Variants in USH2A observed in about 807,000 individuals in gnomAD.
The protein encoded by USH2A is usherin, also known as Usher syndrome 2A (autosomal recessive, mild).
A neutral mutation model predicts 538.9 loss-of-function variants in USH2A; 443 were observed. The observed-to-expected ratio is 0.82, with a 90% CI of 0.76 to 0.89. The LOEUF is 0.89. USH2A is among the 40% of genes least tolerant of loss of function. USH2A has a pLI of 0.00. For synonymous variants in USH2A, 2,413 were observed against 2,273.5 expected, an observed-to-expected ratio of 1.06 and a Z score of -1.75; for missense variants, 6,633 against 6,324.8, an observed-to-expected ratio of 1.05 and a Z score of -1.65.
chr1:215,934,231 C>A (rs1666434999), intron 38 of USH2A, among the ~76,000 whole-genome samples: 1 of 151,868 alleles, frequency 6.6e-6, no homozygotes, highest in Admixed American at 6.6e-5. Flanking sequence ...GGAATGAGAA[C>A]CATTTGCAGT....
chr1:215,784,833 G>A (rs1035979661), intron 52 of USH2A, among the ~76,000 whole-genome samples: 2 of 152,134 alleles, frequency 1.3e-5, no homozygotes. Context: ...CATTATATCA[G>A]TAGGTGGAAA....
At chr1:216,413,459 G>T (rs191691691) in intron 3 of USH2A, among the ~76,000 whole-genome samples, 2 of 151,962 alleles carry the variant, frequency 1.3e-5, no homozygotes, top group Non-Finnish European at 2.9e-5. Flanking sequence ...GAGAGACTTG[G>T]TTTATCTATT....
chr1:215,733,635 G>A (rs371036081), intron 60 of USH2A, among the ~76,000 whole-genome samples: 1 of 152,182 alleles, frequency 6.6e-6, no homozygotes, highest in Non-Finnish European at 1.5e-5. Context: ...GATACAATGT[G>A]GATATAGGTA....
chr1:216,182,371 T>G (rs551043282), intron 20 of USH2A, among the ~76,000 whole-genome samples: 1 of 152,050 alleles, frequency 6.6e-6, no homozygotes. Context: ...AAGCTATAAT[T>G]GTGTATTGAA....
chr1:215,710,162 G>C (rs1413677634), intron 61 of USH2A, among the ~76,000 whole-genome samples: 1 of 152,204 alleles, frequency 6.6e-6, no homozygotes, highest in Non-Finnish European at 1.5e-5. Flanking sequence ...AATTGTGCAA[G>C]TGCATCATTC....
rs530772200 is a variant in USH2A, at chr1:215,649,849, A to G, written c.14343+743T>C. On this transcript the variant is annotated intron_variant, in intron 65 of 71. Transcript: ENST00000307340. ...TCATGAGAAACTTGAGAGTGACACA[A>G]GCTATACCACAGAGACAAGAGTCTT... is the stretch of plus-strand genomic sequence containing the variant. Among the ~76,000 whole-genome samples the G allele has an allele frequency of 3.3e-5, 5 of 152,338 alleles. No individual in the cohort carries two copies. The South Asian group carries it at 1.0e-3, about 32-fold the overall frequency.
chr1:215,902,403 G>A (rs901785969), intron 38 of USH2A, among the ~76,000 whole-genome samples: 1 of 152,040 alleles, frequency 6.6e-6, no homozygotes, highest in Non-Finnish European at 1.5e-5. Flanking sequence ...TCATTCATTT[G>A]TTCAATAAAC....
intron 38 of USH2A, among the ~76,000 whole-genome samples, chr1:215,920,592 T>C (rs1464017825): frequency 1.3e-5 from 2 of 152,024 alleles, no homozygotes; most frequent in African/African-American, 2.4e-5. Flanking sequence ...TCTGTAATTA[T>C]GAAACCCCTT....
chr1:216,324,384 A>C, intron 6 of USH2A, 32 bp from the exon 7 acceptor site: 2 of 1,554,010 alleles, frequency 1.3e-6, no homozygotes, highest in Non-Finnish European at 1.8e-6. Context: ...ATGTAATTAA[A>C]GTTTTAAGTT....
chr1:216,345,598 T>A lies in USH2A; in HGVS notation c.785-17944A>T, dbSNP rs145789230. On this transcript the variant is annotated intron_variant, in intron 4 of 71. Transcript: ENST00000307340. Reference sequence around the variant, plus strand: ...GTTTATCTCCTCTGTAAAGTTCTGATTAATGTGAAAAAGGATTTGTGAGGC... The same window carrying A: ...GTTTATCTCCTCTGTAAAGTTCTGAATAATGTGAAAAAGGATTTGTGAGGC... Among the ~76,000 whole-genome samples the A allele has an allele frequency of 2.5e-3, 381 of 152,238 alleles. 3 individuals carry two copies. The highest frequency in any genetic ancestry group is 8.5e-3 in the African/African-American group (355 of 41,560).
In USH2A at chr1:215,867,085, C is replaced by A. The variant is rs1054471594; in HGVS notation, c.8767G>T (p.Gly2923Cys). 22 of 1,614,028 alleles carry A rather than the reference C, an allele frequency of 1.4e-5. No individual in the cohort carries two copies. Among genetic ancestry groups the A allele is most frequent in the Non-Finnish European group, 1.6e-5 (19 of 1,180,018 alleles). The change falls in exon 44 of 72, where the codon GGT becomes TGT. Residue 2923 changes from glycine to cysteine, a missense_variant. Coordinates refer to ENST00000307340, the MANE Select transcript of USH2A (RefSeq NM_206933.4). The part of the protein sequence containing the change: ...SREVTVTTLA[G>C]LPERGANLTA... The stretch of plus-strand genomic sequence containing the variant: ...AGATTGGCTCCTCTCTCTGGAAGAC[C>A]AGCTAACGTTGTCACAGTCACTTCT...
At chr1:215,683,984 T>C (rs1571956052) in intron 61 of USH2A, among the ~76,000 whole-genome samples, 1 of 152,128 alleles carries the variant, frequency 6.6e-6, no homozygotes, top group Admixed American at 6.5e-5. Context: ...GCTACTTTTG[T>C]TAGGCAGCAG....
intron 28 of USH2A, 42 bp downstream of exon 28, chr1:216,073,055 T>C (rs755828291): frequency 1.2e-6 from 2 of 1,613,286 alleles, no homozygotes; most frequent in Non-Finnish European, 1.7e-6. Context: ...GGGGGATGAA[T>C]AAGAGACATG....
At chr1:215,819,158 C>T (rs1034138985) in intron 47 of USH2A, among the ~76,000 whole-genome samples, 1 of 151,766 alleles carries the variant, frequency 6.6e-6, no homozygotes, top group African/African-American at 2.4e-5. Context: ...CACATAAGAA[C>T]CTTGTCCTTC....
chr1:216,141,634 T>C (rs955298909), intron 21 of USH2A, among the ~76,000 whole-genome samples: 2 of 152,146 alleles, frequency 1.3e-5, no homozygotes, highest in East Asian at 1.9e-4. Flanking sequence ...ATACCTAGCA[T>C]TGGAGTGGTC....
chr1:215,647,865 C>T (rs1025768697), intron 66 of USH2A, 135 bp from the exon 67 acceptor site: 8 of 990,790 alleles, frequency 8.1e-6, no homozygotes, highest in Middle Eastern at 3.0e-4. Context: ...TTTCCATTTG[C>T]AGGAAACTGC....
chr1:216,311,608 G>A (rs767202295), intron 9 of USH2A, among the ~76,000 whole-genome samples: 2 of 152,070 alleles, frequency 1.3e-5, no homozygotes, highest in Non-Finnish European at 2.9e-5. Flanking sequence ...TGGCATGGCA[G>A]CTTGTTTCTG....
At chr1:215,743,522 T>C (rs1660377004) in intron 58 of USH2A, among the ~76,000 whole-genome samples, 187 bp from the exon 59 acceptor site, 2 of 150,174 alleles carry the variant, frequency 1.3e-5, no homozygotes. Context: ...TTAAAAATAA[T>C]GTCTATTTAA....
At chr1:216,288,567 CAGAGT>C (rs1213603300) in intron 11 of USH2A, among the ~76,000 whole-genome samples, 6 of 152,090 alleles carry the variant, frequency 3.9e-5, no homozygotes, top group Non-Finnish European at 8.8e-5. Context: ...TTATTCATAA[CAGAGT>C]ATATAACTGT....
Sources: allele counts gnomAD v4.1 joint callset (sites outside exome capture counted in the v4.1 genomes callset), GRCh38; gene constraint gnomAD v4.1.1; transcripts MANE v1.5; gene names NCBI Gene and HGNC (gene_info 2026-07-23, HGNC 2026-07-21).